Variants in ADAMTS6 observed in about 807,000 individuals in gnomAD.
ADAMTS6 encodes A disintegrin and metalloproteinase with thrombospondin motifs 6.
A neutral mutation model predicts 144.3 loss-of-function variants in ADAMTS6; 23 were observed. The observed-to-expected ratio is 0.16, with a 90% CI of 0.11 to 0.23. The LOEUF is 0.23. ADAMTS6 is among the 10% of genes least tolerant of loss of function. The pLI is 1.00. For missense variants in ADAMTS6, 999 were observed against 1,379.6 expected (o/e 0.72, Z 4.37); for synonymous variants, 444 against 457.5 (o/e 0.97, Z 0.38).
At chr5:65,317,055 G>A (rs1371055705) in intron 9 of ADAMTS6, among the ~76,000 whole-genome samples, 5 of 152,106 alleles carry the variant, frequency 3.3e-5, no homozygotes, top group African/African-American at 1.2e-4. Context: ...TACCTGCCTT[G>A]GCCTCCCAAA....
intron 6 of ADAMTS6, 142 bp downstream of exon 6, chr5:65,451,991 A>C (rs944885813): frequency 3.0e-6 from 2 of 669,858 alleles, no homozygotes; most frequent in African/African-American, 3.7e-5. Flanking sequence ...TTAAGATATT[A>C]AATGTGTAGA....
At chr5:65,254,353 G>T (rs951434528) in intron 14 of ADAMTS6, among the ~76,000 whole-genome samples, 1 of 152,016 alleles carries the variant, frequency 6.6e-6, no homozygotes, top group Non-Finnish European at 1.5e-5. Context: ...AGAGGCAGAC[G>T]ATTCAAAGAC....
chr5:65,151,981 A>G (rs1278357750), intron 24 of ADAMTS6, 36 bp from the exon 25 acceptor site: 3 of 1,564,294 alleles, frequency 1.9e-6, no homozygotes, highest in Non-Finnish European at 1.8e-6. Context: ...AAACAATTAG[A>G]GGCACATAAA....
At chr5:65,248,168 T>C (rs1306902230) in intron 14 of ADAMTS6, among the ~76,000 whole-genome samples, 1 of 152,158 alleles carries the variant, frequency 6.6e-6, no homozygotes, top group Non-Finnish European at 1.5e-5. Context: ...ATAGTACTGA[T>C]AAAGTAATTC....
intron 7 of ADAMTS6, among the ~76,000 whole-genome samples, chr5:65,344,502 G>A (rs1399006170): frequency 6.6e-6 from 1 of 151,694 alleles, no homozygotes; most frequent in Admixed American, 6.6e-5. Flanking sequence ...CATTTTAATG[G>A]CTTTATCATA....
In ADAMTS6 at chr5:65,250,052, T is replaced by A. The variant is rs138338562; in HGVS notation, c.1831-7846A>T. Among the ~76,000 whole-genome samples the A allele has an allele frequency of 6.2e-3, 940 of 152,324 alleles. 19 individuals are homozygous for A. Among genetic ancestry groups the A allele is most frequent in the African/African-American group, 0.022 (898 of 41,580 alleles). On this transcript the variant is annotated intron_variant, in intron 14 of 24. Transcript: ENST00000381055. ...TAGAAATTCCATGCTTTACTGGATC[T>A]CTTTCACAGCATTAGCCTGTTGCTA...
At chr5:65,392,994 T>C (rs1753051560) in intron 7 of ADAMTS6, among the ~76,000 whole-genome samples, 1 of 152,228 alleles carries the variant, frequency 6.6e-6, no homozygotes, top group East Asian at 1.9e-4. Flanking sequence ...AAGTTAGCAA[T>C]GCTTTTATTT....
chr5:65,175,861 G>C (rs776835736), intron 22 of ADAMTS6, among the ~76,000 whole-genome samples: 1 of 113,876 alleles, frequency 8.8e-6, no homozygotes, highest in South Asian at 2.6e-4. Context: ...GTTCCTCCCA[G>C]GTAATTGAAG....
chr5:65,240,974 T>G (rs67343882), intron 15 of ADAMTS6, among the ~76,000 whole-genome samples: 15,096 of 152,158 alleles, frequency 0.099, 954 homozygotes, highest in African/African-American at 0.16. Context: ...ATAATTGAAC[T>G]GTGGATAATG....
chr5:65,175,069 T>C (rs1753883385), intron 22 of ADAMTS6, among the ~76,000 whole-genome samples: 1 of 151,976 alleles, frequency 6.6e-6, no homozygotes, highest in South Asian at 2.1e-4. Flanking sequence ...CCCAGATGAG[T>C]TCCCATACAT....
intron 11 of ADAMTS6, among the ~76,000 whole-genome samples, chr5:65,277,644 TG>T (rs2112684233): frequency 6.6e-6 from 1 of 152,226 alleles, no homozygotes; most frequent in Admixed American, 6.5e-5. Context: ...TTTACTTTAT[TG>T]GTGTTACAGT....
chr5:65,265,451 G>A (rs1432641499), intron 12 of ADAMTS6, among the ~76,000 whole-genome samples: 1 of 151,994 alleles, frequency 6.6e-6, no homozygotes, highest in African/African-American at 2.4e-5. Context: ...ACAACATCTG[G>A]CCAAATAATC....
chr5:65,196,907 AC>A, intron 21 of ADAMTS6, 114 bp downstream of exon 21: 1 of 1,293,788 alleles, frequency 7.7e-7, no homozygotes, highest in Non-Finnish European at 1.0e-6. Context: ...GATGTTTTCT[AC>A]CTTTTTTCAG....
At chr5:65,310,799 A>C (rs2112841067) in intron 9 of ADAMTS6, among the ~76,000 whole-genome samples, 1 of 152,320 alleles carries the variant, frequency 6.6e-6, no homozygotes, top group Non-Finnish European at 1.5e-5. Context: ...GGGGACTTTT[A>C]AGTATTATCA....
chr5:65,176,560 C>T (rs897238203), intron 22 of ADAMTS6, among the ~76,000 whole-genome samples: 2 of 152,106 alleles, frequency 1.3e-5, no homozygotes, highest in African/African-American at 2.4e-5. Context: ...GGGTATCATC[C>T]AGTTTTTCTG....
At chr5:65,289,687 A>G (rs1343996775) in intron 11 of ADAMTS6, among the ~76,000 whole-genome samples, 2 of 152,238 alleles carry the variant, frequency 1.3e-5, no homozygotes, top group East Asian at 3.8e-4. Flanking sequence ...TTGAGAGAGA[A>G]AAAGACTATA....
At chr5:65,290,507 C>T (rs1428851466) in intron 11 of ADAMTS6, among the ~76,000 whole-genome samples, 5 of 151,712 alleles carry the variant, frequency 3.3e-5, no homozygotes, top group Non-Finnish European at 2.9e-5. Flanking sequence ...GCCAAGATTG[C>T]ACCACTGCAC....
intron 9 of ADAMTS6, among the ~76,000 whole-genome samples, chr5:65,316,357 A>C (rs1744997366): frequency 6.6e-6 from 1 of 152,210 alleles, no homozygotes; most frequent in African/African-American, 2.4e-5. Context: ...CCATCCAAAA[A>C]CTGCAGGATA....
At chr5:65,225,662 G>A (rs917957086) in intron 16 of ADAMTS6, among the ~76,000 whole-genome samples, 3 of 152,146 alleles carry the variant, frequency 2.0e-5, no homozygotes, top group African/African-American at 7.2e-5. Flanking sequence ...GATAAAGTAG[G>A]AGGAGCATGG....
Sources: allele counts gnomAD v4.1 joint callset (sites outside exome capture counted in the v4.1 genomes callset), GRCh38; gene constraint gnomAD v4.1.1; transcripts MANE v1.5; gene names NCBI Gene and HGNC (gene_info 2026-07-23, HGNC 2026-07-21).